FHIT: variants seen among roughly 807,000 people sequenced by gnomAD.
FHIT encodes the protein fragile histidine triad diadenosine triphosphatase.
FHIT carries 19 observed loss-of-function variants against 17.9 expected under a neutral mutation model. That is an observed-to-expected ratio of 1.06 (90% CI 0.74 to 1.56). FHIT has a LOEUF of 1.56. FHIT is among the 40% of genes most tolerant of loss of function. The pLI, the probability that FHIT is intolerant of heterozygous loss-of-function variation, is 0.00. For synonymous variants in FHIT, 81 were observed against 69.7 expected (o/e 1.16, Z -0.81); for missense variants, 248 against 189.2 (o/e 1.31, Z -1.82).
chr3:60,331,952 C>G (rs1466088068), intron 5 of FHIT, among the ~76,000 whole-genome samples: 1 of 151,880 alleles, frequency 6.6e-6, no homozygotes, highest in Non-Finnish European at 1.5e-5. Context: ...TATTAAGGTA[C>G]AATTGTCCTG....
intron 2 of FHIT, among the ~76,000 whole-genome samples, chr3:61,050,047 A>G (rs1216073992): frequency 6.6e-6 from 1 of 152,142 alleles, no homozygotes; most frequent in Non-Finnish European, 1.5e-5. Context: ...ACTCTTCATC[A>G]AACCTAGCAT....
chr3:59,823,559 A>C (rs1700870370), intron 8 of FHIT, among the ~76,000 whole-genome samples: 1 of 152,156 alleles, frequency 6.6e-6, no homozygotes, highest in Admixed American at 6.5e-5. Context: ...CAAGTCAATA[A>C]ATGTGATACA....
At chr3:60,166,295 C>T (rs1009683832) in intron 5 of FHIT, among the ~76,000 whole-genome samples, 1 of 152,108 alleles carries the variant, frequency 6.6e-6, no homozygotes, top group African/African-American at 2.4e-5. Context: ...AGGAGTTATG[C>T]ATCCAAAGGG....
At chr3:60,442,310 G>C (rs750141104) in intron 5 of FHIT, among the ~76,000 whole-genome samples, 14 of 152,070 alleles carry the variant, frequency 9.2e-5, no homozygotes, top group Non-Finnish European at 2.1e-4. Flanking sequence ...AACTTCTGGT[G>C]GTGGGAAGAT....
At chr3:59,823,194 G>T (rs958325967) in intron 8 of FHIT, among the ~76,000 whole-genome samples, 3 of 152,128 alleles carry the variant, frequency 2.0e-5, no homozygotes, top group Non-Finnish European at 4.4e-5. Context: ...GGTGACTATG[G>T]CCTTATAGTA....
At chr3:59,787,009 T>C (rs1455648703) in intron 8 of FHIT, among the ~76,000 whole-genome samples, 1 of 152,216 alleles carries the variant, frequency 6.6e-6, no homozygotes, top group Non-Finnish European at 1.5e-5. Flanking sequence ...TTCTCAGTGG[T>C]GAATTCAATG....
At chr3:60,048,424 C>T (rs2106867900) in intron 5 of FHIT, among the ~76,000 whole-genome samples, 1 of 152,290 alleles carries the variant, frequency 6.6e-6, no homozygotes, top group African/African-American at 2.4e-5. Flanking sequence ...GATCCACCTG[C>T]CTCGGCCTCC....
At chr3:59,821,820 G>A (rs1027777994) in intron 8 of FHIT, among the ~76,000 whole-genome samples, 1 of 151,812 alleles carries the variant, frequency 6.6e-6, no homozygotes, top group Admixed American at 6.6e-5. Context: ...TATTTCCATA[G>A]GTTTTTGGGG....
intron 1 of FHIT, among the ~76,000 whole-genome samples, chr3:61,239,459 C>A (rs1172483177): frequency 6.6e-6 from 1 of 152,118 alleles, no homozygotes. Context: ...ATATGGCCAG[C>A]TCCCTCTCAT....
intron 4 of FHIT, among the ~76,000 whole-genome samples, chr3:60,813,833 T>C (rs1553736746): frequency 6.6e-6 from 1 of 152,210 alleles, no homozygotes; most frequent in African/African-American, 2.4e-5. Flanking sequence ...TCCTTTATTA[T>C]GACACACTCT....
chr3:60,099,681 A>G (rs940241529), intron 5 of FHIT, among the ~76,000 whole-genome samples: 7 of 152,068 alleles, frequency 4.6e-5, no homozygotes, highest in African/African-American at 1.7e-4. Context: ...TTTTCATCTC[A>G]CCAAATACAG....
intron 4 of FHIT, among the ~76,000 whole-genome samples, chr3:60,770,951 C>A (rs991828963): frequency 6.6e-6 from 1 of 152,192 alleles, no homozygotes; most frequent in African/African-American, 2.4e-5. Context: ...AATACCCAGG[C>A]AAAGATTGTT....
At chr3:60,215,645 A>G (rs1216084343) in intron 5 of FHIT, among the ~76,000 whole-genome samples, 1 of 152,226 alleles carries the variant, frequency 6.6e-6, no homozygotes, top group Non-Finnish European at 1.5e-5. Flanking sequence ...CTCTGTTGAA[A>G]TATCAATGAG....
intron 5 of FHIT, among the ~76,000 whole-genome samples, chr3:60,176,658 G>A (rs759416165): frequency 1.3e-5 from 2 of 152,164 alleles, no homozygotes; most frequent in Non-Finnish European, 1.5e-5. Flanking sequence ...AGCTCATCGA[G>A]GGCTGAAATG....
chr3:59,864,757 A>T (rs1414920030), intron 8 of FHIT, among the ~76,000 whole-genome samples: 1 of 151,830 alleles, frequency 6.6e-6, no homozygotes, highest in Non-Finnish European at 1.5e-5. Flanking sequence ...TTTCTGTGGA[A>T]GAAGGAAGAG....
At chr3:60,328,336 A>T (rs1279025830) in intron 5 of FHIT, among the ~76,000 whole-genome samples, 2 of 152,198 alleles carry the variant, frequency 1.3e-5, no homozygotes, top group Admixed American at 1.3e-4. Flanking sequence ...ACACCTGAGA[A>T]TGGGTACTTT....
At chr3:60,614,607 A>T (rs891448312) in intron 4 of FHIT, among the ~76,000 whole-genome samples, 3 of 148,702 alleles carry the variant, frequency 2.0e-5, no homozygotes, top group African/African-American at 7.4e-5. Context: ...CACCTCAAAA[A>T]AAATTAATAA....
chr3:60,535,078 G>T (rs950052912), intron 5 of FHIT, among the ~76,000 whole-genome samples: 2 of 152,144 alleles, frequency 1.3e-5, no homozygotes, highest in Non-Finnish European at 2.9e-5. Flanking sequence ...ACAAAAATTA[G>T]CTCAGTGTGG....
intron 5 of FHIT, among the ~76,000 whole-genome samples, chr3:60,092,317 G>C (rs1187117093): frequency 6.6e-6 from 1 of 152,162 alleles, no homozygotes; most frequent in Admixed American, 6.6e-5. Context: ...GTCTTTGTAT[G>C]ACATGGCCTC....
Sources: gnomAD v4.1 joint callset for allele counts (sites outside exome capture counted in the v4.1 genomes callset) on GRCh38, gnomAD v4.1.1 for gene constraint, MANE v1.5 for transcripts, NCBI Gene and HGNC (gene_info 2026-07-23, HGNC 2026-07-21) for gene names.